The following CACNB2 variants were observed in gnomAD, a reference collection of about 807,000 sequenced individuals.
CACNB2 encodes calcium voltage-gated channel auxiliary subunit beta 2, also known as voltage-dependent L-type calcium channel subunit beta-2.
Under a neutral mutation model 73.3 loss-of-function variants are expected in CACNB2, and 42 were observed. The observed-to-expected ratio is 0.57, with a 90% CI of 0.45 to 0.74. The LOEUF (loss-of-function observed/expected upper bound fraction) is 0.74, where lower values mean the gene tolerates loss of function less well. CACNB2 is among the 30% of genes least tolerant of loss of function. The pLI, the probability that CACNB2 is intolerant of heterozygous loss-of-function variation, is 0.00. For missense variants in CACNB2, 940 were observed against 853.0 expected (o/e 1.10, Z -1.27); for synonymous variants, 348 against 310.3 (o/e 1.12, Z -1.28).
intron 2 of CACNB2, among the ~76,000 whole-genome samples, chr10:18,175,502 C>T (rs1385354976): frequency 6.6e-6 from 1 of 152,168 alleles, no homozygotes; most frequent in Non-Finnish European, 1.5e-5. Context: ...GGCTCTTATT[C>T]ACTTAAGTCT....
chr10:18,502,526 TAAA>T (rs113303130), intron 5 of CACNB2, among the ~76,000 whole-genome samples: 2 of 132,030 alleles, frequency 1.5e-5, no homozygotes, highest in African/African-American at 2.8e-5. Flanking sequence ...CCGTCTCTAC[TAAA>T]AAAAAAAAAA....
intron 2 of CACNB2, among the ~76,000 whole-genome samples, chr10:18,335,459 G>A (rs1034513600): frequency 6.6e-6 from 1 of 152,110 alleles, no homozygotes; most frequent in Non-Finnish European, 1.5e-5. Flanking sequence ...CAGGCATGGC[G>A]GAGCATGCCT....
At chr10:18,456,066 C>G (rs551309581) in intron 3 of CACNB2, among the ~76,000 whole-genome samples, 1 of 152,172 alleles carries the variant, frequency 6.6e-6, no homozygotes, top group Admixed American at 6.5e-5. Context: ...TCCCACTGAA[C>G]CAGTCTCGTT....
chr10:18,406,208 A>C (rs546112360), intron 3 of CACNB2, among the ~76,000 whole-genome samples: 4 of 152,320 alleles, frequency 2.6e-5, no homozygotes, highest in African/African-American at 9.6e-5. Context: ...AAAAGGTGGA[A>C]TACAATAGGT....
At chr10:18,286,781 C>G (rs1774469891) in intron 2 of CACNB2, among the ~76,000 whole-genome samples, 1 of 152,024 alleles carries the variant, frequency 6.6e-6, no homozygotes. Context: ...GCTGACATTA[C>G]TAGGTATTGC....
At chr10:18,506,568 G>A in intron 6 of CACNB2, 21 bp downstream of exon 6, 1 of 1,407,310 alleles carries the variant, frequency 7.1e-7, no homozygotes, top group African/African-American at 1.4e-5. Context: ...GATAAATGCT[G>A]AATAATACAT....
intron 2 of CACNB2, among the ~76,000 whole-genome samples, chr10:18,381,467 G>T (rs2043013901): frequency 6.6e-6 from 1 of 151,468 alleles, no homozygotes. Flanking sequence ...GAGGCGGGTG[G>T]ATCCGGAGGT....
rs1440259499 is a variant in CACNB2, at chr10:18,140,553, G to C, written c.-184G>C. 1 of 394,058 alleles carries C rather than the reference G, an allele frequency of 2.5e-6. No individual in the cohort carries two copies. Among genetic ancestry groups the C allele is most frequent in the East Asian group, 4.3e-5 (1 of 23,398 alleles). The allele number at this position is 394,058 out of a possible 1,614,324, so 24.4% of individuals were successfully genotyped here. A position where few individuals can be genotyped will look rare whatever the true frequency, so the allele number is the denominator to read the frequency against. ...TCGCCCGATGCCCCGGCCCCGTCCC[G>C]CGCACTGAGCGCCTGGCAGCAGGGC... is the stretch of plus-strand genomic sequence containing the variant. On this transcript the variant is annotated 5_prime_UTR_variant, in exon 1 of 14. Transcript: ENST00000324631.
chr10:18,542,848 C>T lies in CACNB2; in HGVS notation c.*3124C>T, dbSNP rs1041009034. 1 of 150,650 alleles carries T rather than the reference C, an allele frequency of 6.6e-6. No homozygotes were observed. Among genetic ancestry groups the T allele is most frequent in the African/African-American group, 2.4e-5 (1 of 41,016 alleles). The allele number at this position is 150,650 out of a possible 1,614,324, so 9.3% of individuals were successfully genotyped here. On this transcript the variant is annotated 3_prime_UTR_variant, in exon 14 of 14. Coordinates refer to ENST00000324631, the MANE Select transcript of CACNB2 (RefSeq NM_201596.3). Reference sequence around the variant, plus strand: ...TCAGTTGTAGAGCCATTTTTGTAGTCAACCTAGAAAATGCTGGAAATGTAT... The same window carrying T: ...TCAGTTGTAGAGCCATTTTTGTAGTTAACCTAGAAAATGCTGGAAATGTAT...
At chr10:18,417,462 G>A (rs2045054849) in intron 3 of CACNB2, among the ~76,000 whole-genome samples, 1 of 147,038 alleles carries the variant, frequency 6.8e-6, no homozygotes, top group Non-Finnish European at 1.5e-5. Context: ...TCTGCCTCCC[G>A]GGTTCAAGCG....
At chr10:18,417,735 C>T (rs955231008) in intron 3 of CACNB2, among the ~76,000 whole-genome samples, 11 of 151,896 alleles carry the variant, frequency 7.2e-5, no homozygotes, top group Admixed American at 3.3e-4. Context: ...ACAAATGGAA[C>T]GTACTTAATA....
chr10:18,473,062 G>A (rs2048272423), intron 3 of CACNB2, among the ~76,000 whole-genome samples: 1 of 152,198 alleles, frequency 6.6e-6, no homozygotes, highest in African/African-American at 2.4e-5. Flanking sequence ...TTGCATTGTT[G>A]TTCGGTAATA....
At chr10:18,505,256 A>C (rs898419308) in intron 5 of CACNB2, among the ~76,000 whole-genome samples, 10 of 152,092 alleles carry the variant, frequency 6.6e-5, no homozygotes, top group African/African-American at 2.2e-4. Flanking sequence ...AAAAAAAAAA[A>C]AAACTTCTGG....
rs957204829 is a variant in CACNB2, at chr10:18,286,449, T to C, written c.214-115475T>C. On this transcript the variant is annotated intron_variant, in intron 2 of 13. Coordinates refer to ENST00000324631, the MANE Select transcript of CACNB2 (RefSeq NM_201596.3). ...AGGAAAATGGCGTGAACCCTGCAGGTGGAGCTTGCAGCAAGCCGAGATAGC... is the reference window on the plus strand; with the variant it reads ...AGGAAAATGGCGTGAACCCTGCAGGCGGAGCTTGCAGCAAGCCGAGATAGC... Among the ~76,000 whole-genome samples the C allele has an allele frequency of 3.2e-5, 4 of 126,820 alleles. No individual in the cohort carries two copies. The Admixed American group carries it at 3.2e-4, about 10-fold the overall frequency. 83.2% of individuals were successfully genotyped at this position (126,820 alleles called of 152,430 possible).
chr10:18,211,844 GA>G (rs1169698097), intron 2 of CACNB2, among the ~76,000 whole-genome samples: 1 of 134,138 alleles, frequency 7.5e-6, no homozygotes, highest in Non-Finnish European at 1.6e-5. Context: ...TCTGCTGACA[GA>G]TATTTATTTA....
intron 3 of CACNB2, among the ~76,000 whole-genome samples, chr10:18,496,682 C>T (rs574079636): frequency 4.2e-4 from 64 of 151,442 alleles, no homozygotes; most frequent in African/African-American, 1.4e-3. Flanking sequence ...GGCGTGGTGG[C>T]GGGTGCCTGT....
At chr10:18,172,873 C>T (rs1374526888) in intron 2 of CACNB2, among the ~76,000 whole-genome samples, 2 of 149,830 alleles carry the variant, frequency 1.3e-5, no homozygotes, top group Non-Finnish European at 3.0e-5. Flanking sequence ...GGGCAAGTTA[C>T]TTAACCCTTG....
intron 3 of CACNB2, among the ~76,000 whole-genome samples, chr10:18,478,762 CA>C (rs1251132397): frequency 6.6e-6 from 1 of 152,122 alleles, no homozygotes; most frequent in African/African-American, 2.4e-5. Context: ...GATCCAGGAA[CA>C]GAGATAAATT....
intron 2 of CACNB2, among the ~76,000 whole-genome samples, chr10:18,201,275 CTTT>C (rs11381087): frequency 1.4e-5 from 2 of 138,650 alleles, no homozygotes; most frequent in African/African-American, 2.7e-5. Context: ...GGTCCAGTAT[CTTT>C]TTTTTTTTTT....
Sources: gnomAD v4.1 joint callset for allele counts (sites outside exome capture counted in the v4.1 genomes callset) on GRCh38, gnomAD v4.1.1 for gene constraint, MANE v1.5 for transcripts, NCBI Gene and HGNC (gene_info 2026-07-23, HGNC 2026-07-21) for gene names.